CFAP47: variants seen among roughly 807,000 people sequenced by gnomAD.
CFAP47 encodes cilia and flagella associated protein 47, also known as cilia- and flagella-associated protein 47.
A neutral mutation model predicts 148.1 loss-of-function variants in CFAP47; 29 were observed. The observed-to-expected ratio is 0.20, with a 90% CI of 0.15 to 0.27. CFAP47 has a LOEUF of 0.27. Ranked by LOEUF, CFAP47 falls within the 10% of genes least tolerant of loss-of-function variation. The pLI is 1.00. For synonymous variants in CFAP47, 664 were observed against 577.3 expected (o/e 1.15, Z -2.15); for missense variants, 1,872 against 1,697.5 (o/e 1.10, Z -1.81).
chrX:36,133,636 G>A (rs1170504628), intron 33 of CFAP47, among the ~76,000 whole-genome samples: 2 of 109,809 alleles, frequency 1.8e-5, no homozygotes, highest in East Asian at 5.8e-4. Context: ...ACTTCTATTG[G>A]TTGGTATTAA....
chrX:35,989,425 G>A lies in CFAP47; in HGVS notation c.2820G>A (p.Ala940=), dbSNP rs191671988. 4.5e-5 allele frequency: 55 copies of A among 1,209,131 alleles called. No individual in the cohort carries two copies. Among genetic ancestry groups the A allele is most frequent in the Middle Eastern group, 4.6e-4 (2 of 4,327 alleles). ...TTCTTCATGTCTTTCAAGGAAACGC[G>A]TTGAAGCTAAAATGTGTTGCACATG... ...EFILHVFQGN[A]LKLKCVAHLG... is the part of the protein sequence containing the mutation. The change falls in exon 16 of 64, where the codon GCG becomes GCA. Residue 940 remains alanine (A), a synonymous_variant. Transcript: ENST00000378653.
chrX:36,175,788 C>T (rs1180274658), intron 39 of CFAP47, among the ~76,000 whole-genome samples: 4 of 113,319 alleles, frequency 3.5e-5, no homozygotes, highest in Admixed American at 2.8e-4. Flanking sequence ...GTGGAGCCTA[C>T]AGAGGCAGGC....
intron 1 of CFAP47, among the ~76,000 whole-genome samples, chrX:35,923,188 G>C (rs964540951): frequency 5.6e-4 from 62 of 111,059 alleles, no homozygotes; most frequent in African/African-American, 2.0e-3. Flanking sequence ...TTATGATTTA[G>C]AGTCAGATAG....
At chrX:36,138,908 A>G (rs144338436) in intron 35 of CFAP47, among the ~76,000 whole-genome samples, 128 of 111,296 alleles carry the variant, frequency 1.2e-3, no homozygotes, top group African/African-American at 3.9e-3. Flanking sequence ...TTGTATGTTG[A>G]CCTTCAAGTT....
chrX:36,293,605 A>G (rs1280039808), intron 51 of CFAP47, among the ~76,000 whole-genome samples: 6 of 112,240 alleles, frequency 5.3e-5, no homozygotes, highest in Non-Finnish European at 9.4e-5. Context: ...CTCACATACA[A>G]TTGGAGAAAA....
intron 61 of CFAP47, among the ~76,000 whole-genome samples, chrX:36,362,937 C>T (rs1556019542): frequency 9.0e-6 from 1 of 111,179 alleles, no homozygotes; most frequent in Non-Finnish European, 1.9e-5. Context: ...TCACATTTTG[C>T]TTCATATGTA....
chrX:36,027,093 T>G (rs1191908395), intron 22 of CFAP47, among the ~76,000 whole-genome samples: 1 of 104,480 alleles, frequency 9.6e-6, no homozygotes, highest in African/African-American at 3.5e-5. Flanking sequence ...ATCATATATA[T>G]ATATGATTAT....
intron 45 of CFAP47, among the ~76,000 whole-genome samples, chrX:36,216,352 G>T (rs962592988): frequency 9.0e-6 from 1 of 111,562 alleles, no homozygotes; most frequent in Non-Finnish European, 1.9e-5. Context: ...CCCAGGTCCT[G>T]AGCCAATTTC....
intron 57 of CFAP47, among the ~76,000 whole-genome samples, chrX:36,337,671 G>A (rs1368172554): frequency 9.0e-6 from 1 of 110,530 alleles, no homozygotes; most frequent in African/African-American, 3.3e-5. Context: ...CAAATTATCT[G>A]TTTCTGTCAT....
At position 36,138,399 on chromosome X, in the gene CFAP47, T is replaced by G. The variant is rs1222486472; in HGVS notation, c.5470T>G (p.Tyr1824Asp). 8.6e-7 allele frequency: 1 copy of G among 1,168,196 alleles called. No individual in the cohort carries two copies. The highest frequency in any genetic ancestry group is 1.1e-6 in the Non-Finnish European group (1 of 878,857). The change falls in exon 35 of 64, where the codon TAT becomes GAT. Residue 1824 changes from tyrosine (Y) to aspartate (D), a missense_variant. Tyr to Asp is a radical substitution (Grantham distance 160). Transcript: ENST00000378653. ...CACACGACCAAAAAGTCCTGAAGAG[T>G]ATCTGCACAATTGCCTGATTATTGT... ...MYTRPKSPEE[Y>D]LHNCLIIVNT...
At chrX:36,082,503 G>T (rs950144784) in intron 29 of CFAP47, among the ~76,000 whole-genome samples, 1 of 111,568 alleles carries the variant, frequency 9.0e-6, no homozygotes, top group Non-Finnish European at 1.9e-5. Context: ...TATAAACACC[G>T]CTGAGAAGAT....
chrX:36,218,417 G>A (rs1437516981), intron 45 of CFAP47, among the ~76,000 whole-genome samples: 2 of 111,714 alleles, frequency 1.8e-5, no homozygotes, highest in Non-Finnish European at 3.8e-5. Context: ...ACAGAAATCC[G>A]AAAATTCAAC....
chrX:36,040,746 A>G (rs1175355484), intron 25 of CFAP47, among the ~76,000 whole-genome samples: 2 of 111,931 alleles, frequency 1.8e-5, no homozygotes, highest in Non-Finnish European at 3.8e-5. Context: ...TTAAAATACT[A>G]GATTCCAAAT....
intron 3 of CFAP47, among the ~76,000 whole-genome samples, chrX:35,942,014 ATGTGTGTGTGTGTCTGTGTGTGTG>A (rs1355674860): frequency 6.2e-5 from 6 of 96,447 alleles, no homozygotes; most frequent in Non-Finnish European, 9.9e-5. Context: ...TTACATAAGG[ATGTGTGTGTGTGTCTGTGTGTGTG>A]TGTGTGTGTG....
intron 35 of CFAP47, among the ~76,000 whole-genome samples, chrX:36,138,799 T>G (rs2146831595): frequency 9.5e-6 from 1 of 105,699 alleles, no homozygotes; most frequent in East Asian, 2.8e-4. Flanking sequence ...AATATAGATG[T>G]CATATTATTA....
At chrX:35,953,801 A>G (rs1936203775) in intron 7 of CFAP47, 82 bp downstream of exon 7, 1 of 644,636 alleles carries the variant, frequency 1.6e-6, no homozygotes, top group African/African-American at 2.3e-5. Flanking sequence ...CTGTAGAGAC[A>G]ATCTAATAAA....
rs1254395060 is a variant in CFAP47 at position 36,282,183 on chromosome X, G to GA, written c.7588+1563dup. 2.1e-3 allele frequency among the ~76,000 whole-genome samples: 225 copies of GA among 104,758 alleles called. 2 individuals carry two copies. The highest frequency in any genetic ancestry group is 5.4e-3 in the African/African-American group (157 of 29,042). 91.0% of individuals were successfully genotyped at this position (104,758 alleles called of 115,157 possible). On this transcript the variant is annotated intron_variant, in intron 50 of 63. Transcript: ENST00000378653. ...ATTGAATCTTTGTAGCTGAAACTAGGAAAAAAAAAACAATATTAACATGAG... is the reference window on the plus strand; with the variant it reads ...ATTGAATCTTTGTAGCTGAAACTAGGAAAAAAAAAAACAATATTAACATGAG...
rs778871096 is a variant in CFAP47 at position 35,971,040 on chromosome X, G to A, written c.1970+117G>A. The A allele has an allele frequency of 5.6e-5, 29 of 521,456 alleles. No homozygotes were observed. The African/African-American group carries it at 6.4e-4, about 12-fold the overall frequency. 43.0% of individuals were successfully genotyped at this position (521,456 alleles called of 1,213,427 possible). A position where few individuals can be genotyped will look rare whatever the true frequency, so the allele number is the denominator to read the frequency against. On this transcript the variant is annotated intron_variant, in intron 11 of 63. Coordinates refer to ENST00000378653, the MANE Select transcript of CFAP47 (RefSeq NM_001304548.2). ...GATGTTGTAAACTACATTTCAATAC[G>A]TGATAAAAGCAAAACACTGAGCTGC...
intron 24 of CFAP47, among the ~76,000 whole-genome samples, chrX:36,037,379 T>A (rs1277166929): frequency 9.2e-6 from 1 of 109,259 alleles, no homozygotes; most frequent in Non-Finnish European, 1.9e-5. Flanking sequence ...TTGTTGTTGT[T>A]GGAGATGGAG....
Sources: gnomAD v4.1 joint callset for allele counts (sites outside exome capture counted in the v4.1 genomes callset) on GRCh38, gnomAD v4.1.1 for gene constraint, MANE v1.5 for transcripts, NCBI Gene and HGNC (gene_info 2026-07-23, HGNC 2026-07-21) for gene names.